The following IGFL2 variants were observed in gnomAD, a reference collection of about 807,000 sequenced individuals.
The protein encoded by IGFL2 is IGF like family member 2.
A neutral mutation model predicts 13.9 loss-of-function variants in IGFL2; 7 were observed. That is an observed-to-expected ratio of 0.51 (90% CI 0.29 to 0.95). IGFL2 has a LOEUF of 0.95. IGFL2 is among the 40% of genes least tolerant of loss of function. IGFL2 has a pLI of 0.08. For missense variants in IGFL2, 138 were observed against 147.8 expected (o/e 0.93, Z 0.34); for synonymous variants, 55 against 55.8 (o/e 0.99, Z 0.07).
At chr19:46,123,743 C>T in the IGFL2 span, 1 of 887,010 alleles carries the variant, frequency 1.1e-6, no homozygotes, top group African/African-American at 1.7e-5. Context: ...AGCTTATCTG[C>T]TTCTTCTTTT....
chr19:46,120,203 G>A, the IGFL2 span: 6 of 1,410,900 alleles, frequency 4.3e-6, no homozygotes, highest in African/African-American at 4.5e-5. Context: ...CCTCTCCAAA[G>A]CTATGTCATT....
At chr19:46,141,711 C>A (rs1972866784), upstream of IGFL2, among the ~76,000 whole-genome samples, 1 of 152,088 alleles carries the variant, frequency 6.6e-6, no homozygotes, top group Non-Finnish European at 1.5e-5. Context: ...TTCTCCTTCT[C>A]CCCATCTTCC....
chr19:46,095,479 CT>C, the IGFL2 span, among the ~76,000 whole-genome samples: 1 of 152,116 alleles, frequency 6.6e-6, no homozygotes, highest in East Asian at 1.9e-4. Flanking sequence ...TGCAGGTTGT[CT>C]GTTCATGCTG....
At chr19:46,141,287 C>T (rs1012577013), upstream of IGFL2, among the ~76,000 whole-genome samples, 4 of 152,116 alleles carry the variant, frequency 2.6e-5, no homozygotes, top group Non-Finnish European at 5.9e-5. Flanking sequence ...AATATTTTTG[C>T]AAAGTAAATA....
chr19:46,097,250 G>A, the IGFL2 span, among the ~76,000 whole-genome samples: 1 of 152,170 alleles, frequency 6.6e-6, no homozygotes, highest in Admixed American at 6.5e-5. Context: ...TTGGAAGGGT[G>A]TATGTGTCCA....
At chr19:46,191,376 G>T in the IGFL2 span, among the ~76,000 whole-genome samples, 3 of 152,162 alleles carry the variant, frequency 2.0e-5, no homozygotes, top group African/African-American at 7.2e-5. Context: ...CCAGGGCGGG[G>T]TGAGGGTCAG....
At chr19:46,088,311 T>C in the IGFL2 span, among the ~76,000 whole-genome samples, 2 of 152,348 alleles carry the variant, frequency 1.3e-5, no homozygotes, top group African/African-American at 2.4e-5. Flanking sequence ...TGTCTTTTGA[T>C]TGGATAATTT....
chr19:46,215,264 T>C, the IGFL2 span, among the ~76,000 whole-genome samples: 1 of 152,168 alleles, frequency 6.6e-6, no homozygotes, highest in Non-Finnish European at 1.5e-5. Flanking sequence ...TATGAAAATA[T>C]TCCAATAGAT....
At chr19:46,198,635 T>A in the IGFL2 span, among the ~76,000 whole-genome samples, 1 of 152,160 alleles carries the variant, frequency 6.6e-6, no homozygotes, top group Non-Finnish European at 1.5e-5. Flanking sequence ...TTAAATTAGA[T>A]TCTGACCATT....
At chr19:46,201,968 G>C in the IGFL2 span, among the ~76,000 whole-genome samples, 4 of 152,138 alleles carry the variant, frequency 2.6e-5, no homozygotes, top group African/African-American at 4.8e-5. Flanking sequence ...GGTTGTGAGT[G>C]GGGGAGGCGA....
chr19:46,098,114 C>T, the IGFL2 span, among the ~76,000 whole-genome samples: 6 of 152,152 alleles, frequency 3.9e-5, no homozygotes, highest in East Asian at 1.9e-4. Context: ...TAAAGTCTCC[C>T]GCTATTATTG....
the IGFL2 span, among the ~76,000 whole-genome samples, chr19:46,092,042 T>G: frequency 2.0e-5 from 3 of 152,230 alleles, no homozygotes; most frequent in Non-Finnish European, 4.4e-5. Context: ...TTGGTAAACA[T>G]TTTTTACGTT....
At chr19:46,124,702 T>C in the IGFL2 span, 1 of 1,505,924 alleles carries the variant, frequency 6.6e-7, no homozygotes, top group Non-Finnish European at 9.2e-7. Flanking sequence ...AGGCTGGAAC[T>C]TATGGAGACA....
the IGFL2 span, among the ~76,000 whole-genome samples, chr19:46,108,965 C>G: frequency 6.6e-6 from 1 of 152,174 alleles, no homozygotes; most frequent in African/African-American, 2.4e-5. Flanking sequence ...GTGAGATGTT[C>G]CTTGGGCTGG....
chr19:46,114,405 TTGTTGTAGAA>T, the IGFL2 span, among the ~76,000 whole-genome samples: 8 of 152,202 alleles, frequency 5.3e-5, no homozygotes, highest in African/African-American at 1.9e-4. Flanking sequence ...GCTGACTTCT[TTGTTGTAGAA>T]TAGATAGCCT....
At chr19:46,151,773 C>A (rs1485606667) in intron 1 of IGFL2, among the ~76,000 whole-genome samples, 1 of 152,084 alleles carries the variant, frequency 6.6e-6, no homozygotes, top group Non-Finnish European at 1.5e-5. Context: ...ATTAGCCAGG[C>A]ATGCGGTGTG....
At chr19:46,169,674 C>T in the IGFL2 span, among the ~76,000 whole-genome samples, 4 of 151,978 alleles carry the variant, frequency 2.6e-5, no homozygotes, top group East Asian at 7.7e-4. Flanking sequence ...AAGGAGAAAC[C>T]CTGTCTCTAC....
the IGFL2 span, among the ~76,000 whole-genome samples, chr19:46,080,507 T>C: frequency 1.3e-5 from 2 of 152,260 alleles, no homozygotes; most frequent in Non-Finnish European, 2.9e-5. Flanking sequence ...TTGAATGTTA[T>C]AATAATTTTG....
At position 46,155,444 on chromosome 19, in the gene IGFL2, A is replaced by G. The variant is rs576612119; in HGVS notation, c.20-4971A>G. On this transcript the variant is annotated intron_variant, in intron 1 of 3. Transcript: ENST00000377693. ...AATGCCCTCAGACTCTCGCTGCTCT[A>G]TACAGATTGAGTGGAATTTCTTGAA... Among the ~76,000 whole-genome samples the G allele has an allele frequency of 7.2e-5, 11 of 152,282 alleles. No homozygotes were observed. In the East Asian group the frequency reaches 2.1e-3, roughly 29 times the overall value.
Sources: allele counts gnomAD v4.1 joint callset (sites outside exome capture counted in the v4.1 genomes callset), GRCh38; gene constraint gnomAD v4.1.1; transcripts MANE v1.5; gene names NCBI Gene and HGNC (gene_info 2026-07-23, HGNC 2026-07-21).